Variants in MTUS2 observed in about 807,000 individuals in gnomAD.
MTUS2 encodes microtubule associated scaffold protein 2.
A neutral mutation model predicts 114.1 loss-of-function variants in MTUS2; 40 were observed. That is an observed-to-expected ratio of 0.35 (90% CI 0.27 to 0.46). The LOEUF is 0.46. Ranked by LOEUF, MTUS2 falls within the 20% of genes least tolerant of loss-of-function variation. The pLI, the probability that MTUS2 is intolerant of heterozygous loss-of-function variation, is 1.00. For missense variants in MTUS2, 1,679 were observed against 1,705.4 expected, an observed-to-expected ratio of 0.98 and a Z score of 0.27; for synonymous variants, 688 against 672.0, an observed-to-expected ratio of 1.02 and a Z score of -0.37.
intron 2 of MTUS2, among the ~76,000 whole-genome samples, chr13:29,021,562 C>A (rs951586027): frequency 2.0e-5 from 3 of 152,106 alleles, no homozygotes; most frequent in Non-Finnish European, 4.4e-5. Flanking sequence ...CAATTCAAAC[C>A]GAAGAGGGCT....
intron 8 of MTUS2, among the ~76,000 whole-genome samples, chr13:29,379,074 T>C (rs906659683): frequency 3.3e-5 from 5 of 152,034 alleles, no homozygotes; most frequent in African/African-American, 9.7e-5. Context: ...CGTGTTTGCT[T>C]CCCCCTCCAC....
At chr13:29,041,683 C>G (rs577724314) in intron 4 of MTUS2, among the ~76,000 whole-genome samples, 38 of 151,876 alleles carry the variant, frequency 2.5e-4, no homozygotes, top group Non-Finnish European at 5.2e-4. Context: ...GTAATATACT[C>G]CTGAATGTTC....
chr13:29,080,157 G>A (rs924875231), intron 4 of MTUS2, among the ~76,000 whole-genome samples: 2 of 152,132 alleles, frequency 1.3e-5, no homozygotes, highest in African/African-American at 4.8e-5. Flanking sequence ...GGACATAGGT[G>A]GATTCGTATC....
At chr13:29,300,356 C>A (rs1457710876) in intron 6 of MTUS2, among the ~76,000 whole-genome samples, 1 of 152,176 alleles carries the variant, frequency 6.6e-6, no homozygotes, top group African/African-American at 2.4e-5. Flanking sequence ...AAATGTTGCA[C>A]ACCTGGTATT....
At chr13:29,325,504 GAGGAGA>G (rs1400306542) in intron 7 of MTUS2, among the ~76,000 whole-genome samples, 6 of 137,048 alleles carry the variant, frequency 4.4e-5, no homozygotes, top group African/African-American at 1.3e-4. Context: ...GGAGGAGGAG[GAGGAGA>G]AGGAGGAGGA....
intron 4 of MTUS2, among the ~76,000 whole-genome samples, chr13:29,054,667 G>T (rs1482888926): frequency 1.3e-5 from 2 of 151,936 alleles, no homozygotes; most frequent in East Asian, 1.9e-4. Context: ...TATGACACCT[G>T]AATTTTACCA....
chr13:29,203,232 G>A (rs547944455), intron 5 of MTUS2, among the ~76,000 whole-genome samples: 1 of 152,340 alleles, frequency 6.6e-6, no homozygotes, highest in Admixed American at 6.5e-5. Flanking sequence ...ATCTAGAGAG[G>A]CAGTCTGGCT....
chr13:28,974,876 TTAGA>T (rs1195155828), intron 2 of MTUS2, among the ~76,000 whole-genome samples: 1 of 143,278 alleles, frequency 7.0e-6, no homozygotes. Flanking sequence ...CATTAATAGA[TTAGA>T]TAGTCAGTAG....
At chr13:29,483,124 T>C (rs1881323260) in intron 10 of MTUS2, among the ~76,000 whole-genome samples, 1 of 152,206 alleles carries the variant, frequency 6.6e-6, no homozygotes, top group Non-Finnish European at 1.5e-5. Flanking sequence ...TGGGCAATGC[T>C]AACCCCACAG....
At position 29,249,594 on chromosome 13, in the gene MTUS2, G is replaced by T. The variant is rs569679342; in HGVS notation, c.2645-32110G>T. ...AGCTTTTTTTAATATGTTTGTTGGC[G>T]GCATAAATGTCTTCTTTTGAGAAGT... On this transcript the variant is annotated intron_variant, in intron 5 of 15. Coordinates refer to ENST00000612955, the MANE Select transcript of MTUS2 (RefSeq NM_001033602.4). 1.8e-3 allele frequency among the ~76,000 whole-genome samples: 276 copies of T among 152,016 alleles called. 1 individual carries two copies. Among genetic ancestry groups the T allele is most frequent in the African/African-American group, 6.4e-3 (266 of 41,476 alleles).
chr13:29,287,251 T>C (rs916872798), intron 6 of MTUS2, among the ~76,000 whole-genome samples: 1 of 152,200 alleles, frequency 6.6e-6, no homozygotes, highest in Non-Finnish European at 1.5e-5. Context: ...AATTTGTCCA[T>C]TACCAATAGA....
At chr13:29,181,858 A>T (rs1384180375) in intron 5 of MTUS2, among the ~76,000 whole-genome samples, 2 of 150,172 alleles carry the variant, frequency 1.3e-5, no homozygotes, top group Non-Finnish European at 3.0e-5. Context: ...TTTGATAAAC[A>T]TTTTTTTCTT....
At chr13:29,183,284 T>A (rs1445149139) in intron 5 of MTUS2, among the ~76,000 whole-genome samples, 1 of 150,850 alleles carries the variant, frequency 6.6e-6, no homozygotes, top group Non-Finnish European at 1.5e-5. Context: ...GTCAAGGAAG[T>A]CAACGATGAT....
intron 5 of MTUS2, among the ~76,000 whole-genome samples, chr13:29,155,019 G>A (rs1184170914): frequency 6.6e-6 from 1 of 152,176 alleles, no homozygotes; most frequent in Non-Finnish European, 1.5e-5. Context: ...TGCCATGAGA[G>A]CAACCTGAGC....
chr13:29,345,451 G>A (rs1188200508), intron 7 of MTUS2, among the ~76,000 whole-genome samples: 1 of 151,352 alleles, frequency 6.6e-6, no homozygotes. Flanking sequence ...GATTCTATTG[G>A]TGACAGTTTC....
chr13:29,085,251 T>G (rs1486043077), intron 4 of MTUS2, among the ~76,000 whole-genome samples: 4 of 152,170 alleles, frequency 2.6e-5, no homozygotes, highest in Non-Finnish European at 5.9e-5. Context: ...CCTCTTTTCT[T>G]TTTCTTTTAT....
chr13:29,390,651 CAAA>C (rs1258039110), intron 8 of MTUS2, among the ~76,000 whole-genome samples: 3 of 109,382 alleles, frequency 2.7e-5, no homozygotes, highest in African/African-American at 3.5e-5. Flanking sequence ...GACTCCATCT[CAAA>C]AAAAAAAAAA....
At chr13:28,912,527 GT>G (rs199709789) in intron 2 of MTUS2, among the ~76,000 whole-genome samples, 3 of 151,736 alleles carry the variant, frequency 2.0e-5, no homozygotes, top group Non-Finnish European at 2.9e-5. Context: ...TTTTAAAACA[GT>G]TTTTTTTCTA....
intron 5 of MTUS2, among the ~76,000 whole-genome samples, chr13:29,150,510 G>T (rs1034176671): frequency 9.9e-5 from 15 of 152,100 alleles, no homozygotes; most frequent in Non-Finnish European, 1.9e-4. Context: ...ACTGTTGATA[G>T]TTTCTTTGCT....
Sources: allele counts gnomAD v4.1 joint callset (sites outside exome capture counted in the v4.1 genomes callset), GRCh38; gene constraint gnomAD v4.1.1; transcripts MANE v1.5; gene names NCBI Gene and HGNC (gene_info 2026-07-23, HGNC 2026-07-21).